GATB: variants seen among roughly 807,000 people sequenced by gnomAD.
The protein encoded by GATB is glutamyl-tRNA(Gln) amidotransferase subunit B, mitochondrial.
Under a neutral mutation model 62.3 loss-of-function variants are expected in GATB, and 39 were observed. The ratio of observed to expected loss-of-function variants is 0.63; its 90% CI spans 0.48 to 0.82. The LOEUF is 0.82. Among genes scored for constraint, GATB ranks in the 40% least tolerant of loss-of-function variants. GATB has a pLI of 0.00. For synonymous variants in GATB, 276 were observed against 258.9 expected, an observed-to-expected ratio of 1.07 and a Z score of -0.63; for missense variants, 670 against 684.0, an observed-to-expected ratio of 0.98 and a Z score of 0.23.
At chr4:151,683,303 C>A (rs964381752) in intron 10 of GATB, among the ~76,000 whole-genome samples, 1 of 152,196 alleles carries the variant, frequency 6.6e-6, no homozygotes, top group African/African-American at 2.4e-5. Context: ...TAAAAATCAA[C>A]CCCCTTGCTT....
At chr4:151,734,337 T>C (rs1289335353) in intron 2 of GATB, among the ~76,000 whole-genome samples, 6 of 137,514 alleles carry the variant, frequency 4.4e-5, no homozygotes, top group Non-Finnish European at 7.7e-5. Context: ...TCAACCCCTT[T>C]TAAAATAGCT....
At chr4:151,733,901 C>A (rs776757723) in intron 2 of GATB, among the ~76,000 whole-genome samples, 1 of 152,076 alleles carries the variant, frequency 6.6e-6, no homozygotes, top group Non-Finnish European at 1.5e-5. Context: ...ATCCAGCATC[C>A]CTTTATAATT....
In GATB at chr4:151,695,083, C is replaced by T. The variant is rs544841196; in HGVS notation, c.1197+6246G>A. Among the ~76,000 whole-genome samples, 9 of 152,304 alleles carry T rather than the reference C, an allele frequency of 5.9e-5. No individual in the cohort carries two copies. In the South Asian group the frequency reaches 1.9e-3, roughly 32 times the overall value. ...CATATGGCAGCCCAGGGTGCTGATTCGAGGGCTCGCAAGTACATCTTCCTA... is the reference window on the plus strand; with the variant it reads ...CATATGGCAGCCCAGGGTGCTGATTTGAGGGCTCGCAAGTACATCTTCCTA... On this transcript the variant is annotated intron_variant, in intron 9 of 12. Coordinates refer to ENST00000263985, the MANE Select transcript of GATB (RefSeq NM_004564.3).
Position 151,671,200 on chromosome 4 carries a change from T to C in GATB, c.1648A>G (p.Ile550Val). 1.2e-6 allele frequency: 2 copies of C among 1,614,132 alleles called. No homozygotes were observed. The highest frequency in any genetic ancestry group is 1.7e-6 in the Non-Finnish European group (2 of 1,180,022). Residue 550 changes from isoleucine to valine, a missense_variant, in exon 13 of 13, where the codon ATC becomes GTC. Coordinates refer to ENST00000263985, the MANE Select transcript of GATB (RefSeq NM_004564.3). The stretch of plus-strand genomic sequence containing the variant: ...CACAATGACAGCTTCTTCTCCAGGA[T>C]CTCCTTTATCATGACTGGATCTGCT... Reference protein sequence around the residue: ...SRADPVMIKEILEKKLSL With the variant: ...SRADPVMIKEVLEKKLSL
chr4:151,718,311 C>T (rs1738955983), intron 3 of GATB, among the ~76,000 whole-genome samples: 1 of 152,038 alleles, frequency 6.6e-6, no homozygotes. Context: ...ATATAGGACA[C>T]CCAGTTAAAT....
intron 2 of GATB, among the ~76,000 whole-genome samples, chr4:151,750,006 C>T (rs1036640356): frequency 2.6e-5 from 4 of 152,068 alleles, no homozygotes; most frequent in African/African-American, 7.2e-5. Flanking sequence ...CTCAGCCTCC[C>T]GAGTAGCTGG....
At chr4:151,703,972 A>C in intron 7 of GATB, 77 bp from the exon 8 acceptor site, 1 of 957,486 alleles carries the variant, frequency 1.0e-6, no homozygotes, top group South Asian at 1.5e-5. Flanking sequence ...GGGCTCCCCT[A>C]CCAATAAGGG....
chr4:151,751,609 G>T (rs1183493000), intron 2 of GATB, among the ~76,000 whole-genome samples: 2 of 152,174 alleles, frequency 1.3e-5, no homozygotes, highest in African/African-American at 4.8e-5. Context: ...TAAGAATTTA[G>T]TTCTTTTCCC....
Position 151,701,448 on chromosome 4 carries a change from G to A in GATB, c.1078C>T (p.Pro360Ser), listed in dbSNP as rs746867500. ...TGGTCAATATTGATCACTTGCTGTG[G>A]GTCTGCACCTGCGGGCAGAGATGTG... Reference protein sequence around the residue: ...DATSLPAGADPQQVINIDQIR... With the variant: ...DATSLPAGADSQQVINIDQIR... Residue 360 changes from proline to serine, a missense_variant, in exon 9 of 13, where the codon CCA (proline) becomes TCA (serine). Pro to Ser is a moderately conservative substitution (Grantham distance 74). Transcript: ENST00000263985. The A allele has an allele frequency of 6.0e-5, 96 of 1,601,776 alleles. No individual in the cohort carries two copies. The highest frequency in any genetic ancestry group is 3.4e-5 in the Admixed American group (2 of 58,408).
At chr4:151,747,456 C>T (rs1739625559) in intron 2 of GATB, among the ~76,000 whole-genome samples, 1 of 152,186 alleles carries the variant, frequency 6.6e-6, no homozygotes. Flanking sequence ...ACTATCTAAG[C>T]TGTGTGGCAG....
chr4:151,688,276 T>A (rs1738292256), intron 10 of GATB, among the ~76,000 whole-genome samples: 1 of 152,114 alleles, frequency 6.6e-6, no homozygotes, highest in Non-Finnish European at 1.5e-5. Context: ...TTTTTGTGCA[T>A]TCCCAGCACC....
At chr4:151,696,651 G>T (rs535955624) in intron 9 of GATB, among the ~76,000 whole-genome samples, 1 of 152,294 alleles carries the variant, frequency 6.6e-6, no homozygotes, top group South Asian at 2.1e-4. Flanking sequence ...GAGGGTTGCT[G>T]TAAGGATAGA....
rs563623888 is a variant in GATB, at chr4:151,715,921, A to G, written c.763+88T>C. 1.2e-5 allele frequency: 17 copies of G among 1,465,730 alleles called. No individual in the cohort carries two copies. The East Asian group carries it at 1.9e-4, about 17-fold the overall frequency. The allele number at this position is 1,465,730 out of a possible 1,614,324, so 90.8% of individuals were successfully genotyped here. On this transcript the variant is annotated intron_variant, in intron 5 of 12. Transcript: ENST00000263985. ...AAATGGCTGCAAACAACCTCAATAT[A>G]ATAGACAGAAAATAAAACTAAAGTC...
intron 3 of GATB, 148 bp from the exon 4 acceptor site, chr4:151,717,222 T>C: frequency 1.4e-6 from 1 of 698,600 alleles, no homozygotes; most frequent in East Asian, 2.7e-5. Flanking sequence ...AAAAAATTAG[T>C]TGCTGCATTG....
intron 9 of GATB, among the ~76,000 whole-genome samples, chr4:151,698,554 C>T (rs1426758424): frequency 1.3e-5 from 2 of 152,154 alleles, no homozygotes; most frequent in African/African-American, 4.8e-5. Flanking sequence ...TGCATCTGCC[C>T]TTCTCAGCAA....
chr4:151,704,837 C>A (rs1053914164), intron 7 of GATB, among the ~76,000 whole-genome samples: 11 of 152,036 alleles, frequency 7.2e-5, no homozygotes, highest in Admixed American at 4.6e-4. Context: ...CAAGCGCCGC[C>A]TCCCGGGTTC....
intron 8 of GATB, chr4:151,703,498 C>T (rs368717111): frequency 3.2e-5 from 9 of 280,680 alleles, no homozygotes; most frequent in Non-Finnish European, 4.7e-5. Flanking sequence ...CTTCATTCAG[C>T]GTATTACTGA....
intron 6 of GATB, among the ~76,000 whole-genome samples, chr4:151,707,010 T>C (rs955747922): frequency 1.3e-5 from 2 of 152,234 alleles, no homozygotes; most frequent in African/African-American, 4.8e-5. Flanking sequence ...TTATTATACA[T>C]TTATCATCAA....
At chr4:151,734,087 G>A (rs961146171) in intron 2 of GATB, among the ~76,000 whole-genome samples, 4 of 152,108 alleles carry the variant, frequency 2.6e-5, no homozygotes, top group South Asian at 2.1e-4. Flanking sequence ...AGTACTGGAC[G>A]CCCTAGCCAG....
Sources: allele counts gnomAD v4.1 joint callset (sites outside exome capture counted in the v4.1 genomes callset), GRCh38; gene constraint gnomAD v4.1.1; transcripts MANE v1.5; gene names NCBI Gene and HGNC (gene_info 2026-07-23, HGNC 2026-07-21).